Variants in URI1 observed in about 807,000 individuals in gnomAD.
URI1 encodes the protein URI1 prefoldin like chaperone, also known as unconventional prefoldin RPB5 interactor 1.
In URI1, 39 loss-of-function variants were observed where a neutral mutation model predicts 60.2. The ratio of observed to expected loss-of-function variants is 0.65; its 90% CI spans 0.50 to 0.85. The LOEUF (loss-of-function observed/expected upper bound fraction) is 0.85, where lower values mean the gene tolerates loss of function less well. URI1 is among the 40% of genes least tolerant of loss of function. The pLI, the probability that URI1 is intolerant of heterozygous loss-of-function variation, is 0.00. For missense variants in URI1, 691 were observed against 665.9 expected, an observed-to-expected ratio of 1.04 and a Z score of -0.42; for synonymous variants, 251 against 236.8, an observed-to-expected ratio of 1.06 and a Z score of -0.55.
At chr19:29,954,162 T>C (rs894597400) in intron 1 of URI1, among the ~76,000 whole-genome samples, 41 of 152,200 alleles carry the variant, frequency 2.7e-4, no homozygotes, top group Admixed American at 2.4e-3. Flanking sequence ...ATATACAAAA[T>C]AGCTTCAGAA....
intron 2 of URI1, among the ~76,000 whole-genome samples, chr19:29,984,334 C>T (rs1160396765): frequency 6.6e-6 from 1 of 152,142 alleles, no homozygotes; most frequent in African/African-American, 2.4e-5. Flanking sequence ...GAGGCTAAGG[C>T]AGGGGAATCA....
At position 30,005,426 on chromosome 19, in the gene URI1, A is replaced by C. The variant is rs1163333249; in HGVS notation, c.433A>C (p.Thr145Pro). 1 of 1,602,052 alleles carries C rather than the reference A, an allele frequency of 6.2e-7. No homozygotes were observed. Among genetic ancestry groups the C allele is most frequent in the Admixed American group, 1.8e-5 (1 of 57,010 alleles). Residue 145 changes from threonine (T) to proline (P), a missense_variant, in exon 5 of 11, where the codon ACA (threonine) becomes CCA (proline). Transcript: ENST00000392271. The part of the protein sequence containing the change: ...MKNFESRVEF[T>P]EDLQKMSDAA... The stretch of plus-strand genomic sequence containing the variant: ...AAATTTTGAATCCAGAGTTGAATTC[A>C]CAGAAGATTTGCAGAAAATGAGCGA...
At chr19:29,956,178 G>A (rs917873380) in intron 1 of URI1, among the ~76,000 whole-genome samples, 4 of 148,278 alleles carry the variant, frequency 2.7e-5, no homozygotes, top group Admixed American at 1.3e-4. Flanking sequence ...AGAGATGAGC[G>A]CCATGTTGGT....
chr19:29,965,663 C>T (rs1310528648), intron 1 of URI1, among the ~76,000 whole-genome samples: 1 of 152,194 alleles, frequency 6.6e-6, no homozygotes, highest in Non-Finnish European at 1.5e-5. Context: ...ACCCCCAAAA[C>T]CCTCCAAACA....
chr19:29,950,979 C>T (rs186288580), intron 1 of URI1, among the ~76,000 whole-genome samples: 34 of 152,266 alleles, frequency 2.2e-4, no homozygotes, highest in Non-Finnish European at 3.5e-4. Context: ...AAGAATACTA[C>T]GTAGATAGCT....
At chr19:30,003,834 T>C (rs2055906416) in intron 4 of URI1, among the ~76,000 whole-genome samples, 2 of 152,056 alleles carry the variant, frequency 1.3e-5, no homozygotes, top group African/African-American at 4.8e-5. Context: ...TTGAAAAAAG[T>C]TATTGATTTG....
intron 1 of URI1, among the ~76,000 whole-genome samples, chr19:29,955,062 C>T (rs528694023): frequency 2.6e-5 from 4 of 151,262 alleles, no homozygotes; most frequent in East Asian, 1.9e-4. Flanking sequence ...TGGAGTGCAG[C>T]GGTGCATTCT....
rs77842821 is a variant in URI1, at chr19:30,014,944, C to A, written c.1483C>A (p.Pro495Thr). ...EFVSPSLTPPPAIAHPALPTI... is the reference protein window; with the variant it reads ...EFVSPSLTPPTAIAHPALPTI... ...TGTATCACCTTCCTTAACACCACCCCCAGCCATTGCTCATCCCGCACTACC... is the reference window on the plus strand; with the variant it reads ...TGTATCACCTTCCTTAACACCACCCACAGCCATTGCTCATCCCGCACTACC... The change falls in exon 11 of 11, where the codon CCA becomes ACA. Residue 495 changes from proline (P) to threonine (T), a missense_variant. By Grantham distance (38) the Pro-to-Thr change is conservative (BLOSUM62 -1). Coordinates refer to ENST00000392271, the MANE Select transcript of URI1 (RefSeq NM_003796.3). 2 of 1,613,580 alleles carry A rather than the reference C, an allele frequency of 1.2e-6. No individual in the cohort carries two copies. Among genetic ancestry groups the A allele is most frequent in the Admixed American group, 1.7e-5 (1 of 59,990 alleles).
chr19:30,010,986 C>T (rs2056010009), intron 8 of URI1, 108 bp from the exon 9 acceptor site: 5 of 1,250,298 alleles, frequency 4.0e-6, no homozygotes, highest in South Asian at 1.5e-5. Flanking sequence ...CAGAAAATTT[C>T]AGCTGCCTCT....
At chr19:29,977,564 T>C (rs951558884) in intron 2 of URI1, among the ~76,000 whole-genome samples, 4 of 49,086 alleles carry the variant, frequency 8.1e-5, no homozygotes, top group Admixed American at 2.8e-4. Flanking sequence ...TTTTCTTTTT[T>C]TTTTTTTTTT....
intron 1 of URI1, among the ~76,000 whole-genome samples, chr19:29,970,254 G>A (rs1422872711): frequency 2.7e-5 from 4 of 148,128 alleles, no homozygotes; most frequent in Non-Finnish European, 5.9e-5. Flanking sequence ...AGATAATGCT[G>A]CTCTCTTTTT....
Position 29,947,768 on chromosome 19 carries a change from T to C in URI1, c.117+5104T>C, listed in dbSNP as rs540233923. 4.6e-5 allele frequency among the ~76,000 whole-genome samples: 7 copies of C among 152,380 alleles called. No individual in the cohort carries two copies. The South Asian group carries it at 1.0e-3, about 23-fold the overall frequency. On this transcript the variant is annotated intron_variant, in intron 1 of 10. Coordinates refer to ENST00000392271, the MANE Select transcript of URI1 (RefSeq NM_003796.3). Reference sequence around the variant, plus strand: ...TTGACTTGGAGCACTTACAGTGGTGTCTGTCCTTTGATCAACAGACATTTT... The same window carrying C: ...TTGACTTGGAGCACTTACAGTGGTGCCTGTCCTTTGATCAACAGACATTTT...
intron 1 of URI1, among the ~76,000 whole-genome samples, chr19:29,956,042 T>C (rs2055242743): frequency 6.6e-6 from 1 of 150,546 alleles, no homozygotes; most frequent in Admixed American, 6.7e-5. Flanking sequence ...TGGAGTGCAA[T>C]GGAGTGGTCT....
chr19:29,935,642 A>C (rs2054962482), intron 1 of URI1, among the ~76,000 whole-genome samples: 1 of 149,518 alleles, frequency 6.7e-6, no homozygotes. Context: ...AAAATGTCTT[A>C]ATTTCTCCTT....
intron 4 of URI1, among the ~76,000 whole-genome samples, chr19:29,995,772 T>G (rs2145407231): frequency 6.6e-6 from 1 of 152,236 alleles, no homozygotes. Flanking sequence ...TAGGTTGCTG[T>G]ATCCATTTTA....
chr19:29,936,064 G>A (rs565703477), intron 1 of URI1, among the ~76,000 whole-genome samples: 191 of 152,018 alleles, frequency 1.3e-3, no homozygotes, highest in Non-Finnish European at 2.1e-3. Context: ...GGGATTATAG[G>A]CGTGAGCCAC....
chr19:29,964,223 T>C (rs901257852), intron 1 of URI1, among the ~76,000 whole-genome samples: 4 of 152,184 alleles, frequency 2.6e-5, no homozygotes, highest in Non-Finnish European at 4.4e-5. Context: ...CCTTGGTCCC[T>C]CTTGTCCTCA....
chr19:29,936,899 C>G (rs1214933513), intron 1 of URI1, among the ~76,000 whole-genome samples: 4 of 152,014 alleles, frequency 2.6e-5, no homozygotes, highest in Admixed American at 2.6e-4. Flanking sequence ...GTTACAGGTG[C>G]GCGTCACAAT....
At chr19:29,954,404 A>G (rs1423312555) in intron 1 of URI1, among the ~76,000 whole-genome samples, 3 of 152,126 alleles carry the variant, frequency 2.0e-5, no homozygotes, top group Non-Finnish European at 2.9e-5. Context: ...TTATGAATAC[A>G]TGAAAACATT....
Sources: gnomAD v4.1 joint callset for allele counts (sites outside exome capture counted in the v4.1 genomes callset) on GRCh38, gnomAD v4.1.1 for gene constraint, MANE v1.5 for transcripts, NCBI Gene and HGNC (gene_info 2026-07-23, HGNC 2026-07-21) for gene names.